SAPCD2: variants seen among roughly 807,000 people sequenced by gnomAD.
SAPCD2 encodes the protein suppressor APC domain-containing protein 2.
Under a neutral mutation model 37.8 loss-of-function variants are expected in SAPCD2, and 34 were observed. The observed-to-expected ratio is 0.90, with a 90% CI of 0.68 to 1.20. The LOEUF is 1.20. Among genes scored for constraint, SAPCD2 ranks in the 50% most tolerant of loss-of-function variants. The pLI is 0.00. For synonymous variants in SAPCD2, 275 were observed against 270.3 expected, an observed-to-expected ratio of 1.02 and a Z score of -0.17; for missense variants, 572 against 584.7, an observed-to-expected ratio of 0.98 and a Z score of 0.22.
At chr9:137,066,472 T>G (rs1181330734) in intron 1 of SAPCD2, 98 bp from the exon 2 acceptor site, 1 of 910,036 alleles carries the variant, frequency 1.1e-6, no homozygotes. Flanking sequence ...ACCCTCGAGG[T>G]CTCGGGCACC....
rs1424929908 is a variant in SAPCD2, at chr9:137,064,512, G to A, written c.*147C>T. The A allele has an allele frequency of 3.3e-6, 3 of 922,416 alleles. No individual in the cohort carries two copies. The highest frequency in any genetic ancestry group is 4.8e-6 in the Non-Finnish European group (3 of 619,630). The allele number at this position is 922,416 out of a possible 1,614,324, so 57.1% of individuals were successfully genotyped here. A position where few individuals can be genotyped will look rare whatever the true frequency, so the allele number is the denominator to read the frequency against. ...GGGGGCAGGCCTGGGGAGCCCATCTGGCAAGGGCGGCAGGAAGGCGCCCAC... is the reference window on the plus strand; with the variant it reads ...GGGGGCAGGCCTGGGGAGCCCATCTAGCAAGGGCGGCAGGAAGGCGCCCAC... On this transcript the variant is annotated 3_prime_UTR_variant, in exon 6 of 6. Transcript: ENST00000409687.
At position 137,065,630 on chromosome 9, in the gene SAPCD2, C is replaced by T. The variant is rs1401738099; in HGVS notation, c.723G>A (p.Val241=). The change falls in exon 3 of 6, where the codon GTG becomes GTA. Residue 241 remains valine, a synonymous_variant. Transcript: ENST00000409687. ...QMKELEQEKE[V]LLQGLEMMAR... ...CCATCATCTCCAAACCCTGCAGCAG[C>T]ACCTCCTTCTCCTGCTCCAGCTCCT... 1 of 1,609,474 alleles carries T rather than the reference C, an allele frequency of 6.2e-7. No homozygotes were observed. The highest frequency in any genetic ancestry group is 1.7e-5 in the Admixed American group (1 of 59,820).
chr9:137,068,043 A>G (rs1252318730), intron 1 of SAPCD2, among the ~76,000 whole-genome samples: 1 of 152,194 alleles, frequency 6.6e-6, no homozygotes, highest in Non-Finnish European at 1.5e-5. Flanking sequence ...CTGTAGCCCC[A>G]GCACCAGGCA....
chr9:137,066,179 G>T, intron 2 of SAPCD2, 83 bp downstream of exon 2: 1 of 1,100,526 alleles, frequency 9.1e-7, no homozygotes. Flanking sequence ...GACTCCCCCA[G>T]GCTCAAGGCC....
In SAPCD2 at chr9:137,063,188, C is replaced by T. The variant is rs1832485325; in HGVS notation, c.*1471G>A. On this transcript the variant is annotated 3_prime_UTR_variant, in exon 6 of 6. Transcript: ENST00000409687. ...TGCCCAGGAGGTCCAGGCCTGACAT[C>T]CTTATGTCCCCTGGAAAGCCCACTC... is the stretch of plus-strand genomic sequence containing the variant. 6.6e-6 allele frequency: 1 copy of T among 152,304 alleles called. No homozygotes were observed. 9.4% of individuals were successfully genotyped at this position (152,304 alleles called of 1,614,324 possible).
rs2131532603 is a variant in SAPCD2 at position 137,070,154 on chromosome 9, G to A, written c.307C>T (p.Arg103Trp). The A allele has an allele frequency of 2.5e-6, 3 of 1,214,198 alleles. No individual in the cohort carries two copies. The South Asian group carries it at 1.1e-4, about 44-fold the overall frequency. 75.2% of individuals were successfully genotyped at this position (1,214,198 alleles called of 1,614,324 possible). The change falls in exon 1 of 6, where the codon CGG becomes TGG. Residue 103 changes from arginine (R) to tryptophan (W), a missense_variant. Physicochemically the swap from Arg to Trp is moderately radical, Grantham distance 101 (BLOSUM62 -3). Coordinates refer to ENST00000409687, the MANE Select transcript of SAPCD2 (RefSeq NM_178448.4). ...CGGGCCGGGGCGCGCGTGGGGTCCC[G>A]GGGGCCGCCGTCGGCGCTCAGCAGG... ...TSLLSADGGP[R>W]DPTRAPARPG...
rs1832474381 is a variant in SAPCD2 at position 137,062,479 on chromosome 9, T to C, written c.*2180A>G. ...AATCCTGAGGCCTGGTGTGGGTGTG[T>C]TCCTCTGGGGCAGATTCTCAACTGG... On this transcript the variant is annotated 3_prime_UTR_variant, in exon 6 of 6. Coordinates refer to ENST00000409687, the MANE Select transcript of SAPCD2 (RefSeq NM_178448.4). 6.6e-6 allele frequency: 1 copy of C among 152,194 alleles called. No individual in the cohort carries two copies. The highest frequency in any genetic ancestry group is 6.5e-5 in the Admixed American group (1 of 15,274). The allele number at this position is 152,194 out of a possible 1,614,324, so 9.4% of individuals were successfully genotyped here.
In SAPCD2 at chr9:137,065,812, C is replaced by T. The variant is rs537868503; in HGVS notation, c.685-144G>A. On this transcript the variant is annotated intron_variant, in intron 2 of 5. Transcript: ENST00000409687. ...GTACACGTTTGCAAACACCCACGGA[C>T]GCACGCTTCTGCTGACACCTGCATG... 84 of 1,012,142 alleles carry T rather than the reference C, an allele frequency of 8.3e-5. 1 individual carries two copies. The South Asian group carries it at 9.7e-4, about 12-fold the overall frequency. The allele number at this position is 1,012,142 out of a possible 1,614,324, so 62.7% of individuals were successfully genotyped here.
At chr9:137,067,855 G>A (rs894489541) in intron 1 of SAPCD2, among the ~76,000 whole-genome samples, 15 of 149,260 alleles carry the variant, frequency 1.0e-4, no homozygotes, top group Non-Finnish European at 1.5e-4. Context: ...AGTCAGGCAC[G>A]TCCTGGTGCT....
intron 1 of SAPCD2, among the ~76,000 whole-genome samples, chr9:137,067,543 G>C (rs10781537): frequency 0.65 from 97,067 of 149,510 alleles, 31,627 homozygotes; most frequent in South Asian, 0.71. Context: ...AAGCTGGGGC[G>C]GGGGGGGATC....
In SAPCD2 at chr9:137,070,113, C is replaced by T. The variant is rs1832602900; in HGVS notation, c.348G>A (p.Pro116=). 8 of 1,190,370 alleles carry T rather than the reference C, an allele frequency of 6.7e-6. No individual in the cohort carries two copies. Among genetic ancestry groups the T allele is most frequent in the African/African-American group, 1.6e-5 (1 of 62,462 alleles). 73.7% of individuals were successfully genotyped at this position (1,190,370 alleles called of 1,614,324 possible). The change falls in exon 1 of 6, where the codon CCG becomes CCA. Residue 116 remains proline, a synonymous_variant. Transcript: ENST00000409687. The part of the protein sequence containing the change: ...TRAPARPGDQ[P]PPPPQRLVFA... ...ACACCAGGCGCTGCGGCGGCGGCGG[C>T]GGCTGATCCCCGGGCCGGGCCGGGG...
rs1188441925 is a variant in SAPCD2 at position 137,070,204 on chromosome 9, C to A, written c.257G>T (p.Arg86Leu). Residue 86 changes from arginine to leucine, a missense_variant, in exon 1 of 6, where the codon CGC becomes CTC. By Grantham distance (102) the Arg-to-Leu change is moderately radical. Coordinates refer to ENST00000409687, the MANE Select transcript of SAPCD2 (RefSeq NM_178448.4). ...GGAGGTGCGCAGGCCGGCCACGAAG[C>A]GCTCGAAGGTCAGGTAGCCGCTGGC... ...APASGYLTFERFVAGLRTSLL... is the reference protein window; with the variant it reads ...APASGYLTFELFVAGLRTSLL... 1 of 1,373,488 alleles carries A rather than the reference C, an allele frequency of 7.3e-7. No individual in the cohort carries two copies. The allele number at this position is 1,373,488 out of a possible 1,614,324, so 85.1% of individuals were successfully genotyped here. A position where few individuals can be genotyped will look rare whatever the true frequency, so the allele number is the denominator to read the frequency against.
chr9:137,070,424 G>T lies in SAPCD2; in HGVS notation c.37C>A (p.Pro13Thr). 3.9e-6 allele frequency: 5 copies of T among 1,289,968 alleles called. No homozygotes were observed. Among genetic ancestry groups the T allele is most frequent in the Non-Finnish European group, 4.9e-6 (5 of 1,019,046 alleles). The allele number at this position is 1,289,968 out of a possible 1,614,324, so 79.9% of individuals were successfully genotyped here. A position where few individuals can be genotyped will look rare whatever the true frequency, so the allele number is the denominator to read the frequency against. The change falls in exon 1 of 6, where the codon CCT (proline) becomes ACT (threonine). Residue 13 changes from proline to threonine, a missense_variant. Pro to Thr is a conservative substitution (Grantham distance 38, BLOSUM62 -1). Coordinates refer to ENST00000409687, the MANE Select transcript of SAPCD2 (RefSeq NM_178448.4). Reference protein sequence around the residue: ...GAAMAERGRVPPPAPAPSTEG... With the variant: ...GAAMAERGRVTPPAPAPSTEG... ...GTGCTGGGCGCGGGTGCGGGGGGAGGCACGCGGCCCCGCTCGGCCATGGCG... is the reference window on the plus strand; with the variant it reads ...GTGCTGGGCGCGGGTGCGGGGGGAGTCACGCGGCCCCGCTCGGCCATGGCG...
chr9:137,067,854 C>T (rs542703586), intron 1 of SAPCD2, among the ~76,000 whole-genome samples: 3 of 150,430 alleles, frequency 2.0e-5, no homozygotes, highest in South Asian at 2.1e-4. Flanking sequence ...AAGTCAGGCA[C>T]GTCCTGGTGC....
chr9:137,068,669 C>T (rs1235324205), intron 1 of SAPCD2, among the ~76,000 whole-genome samples: 1 of 152,226 alleles, frequency 6.6e-6, no homozygotes, highest in East Asian at 1.9e-4. Flanking sequence ...CAGCTACAGC[C>T]CTAGCCATGT....
In SAPCD2 at chr9:137,069,192, C is replaced by T. The variant is rs561259850; in HGVS notation, c.571+698G>A. 2.0e-3 allele frequency among the ~76,000 whole-genome samples: 306 copies of T among 152,362 alleles called. 1 individual carries two copies. Among genetic ancestry groups the T allele is most frequent in the Middle Eastern group, 0.01 (3 of 294 alleles). ...AAGGCAGGCACTGGGTTGGGGGAGA[C>T]AGGGGACCATTCAGCAATCTCCCAT... On this transcript the variant is annotated intron_variant, in intron 1 of 5. Coordinates refer to ENST00000409687, the MANE Select transcript of SAPCD2 (RefSeq NM_178448.4).
chr9:137,070,543 C>A lies in SAPCD2; in HGVS notation c.-83G>T. The A allele has an allele frequency of 2.2e-6, 2 of 908,264 alleles. No individual in the cohort carries two copies. The highest frequency in any genetic ancestry group is 1.4e-6 in the Non-Finnish European group (1 of 703,220). The allele number at this position is 908,264 out of a possible 1,614,324, so 56.3% of individuals were successfully genotyped here. Reference sequence around the variant, plus strand: ...AGGGGCCGGCCCGGCGAGCTCAGCCCACGGCGACAATAGCGACTACTTTTG... The same window carrying A: ...AGGGGCCGGCCCGGCGAGCTCAGCCAACGGCGACAATAGCGACTACTTTTG... On this transcript the variant is annotated 5_prime_UTR_variant, in exon 1 of 6. Transcript: ENST00000409687.
intron 1 of SAPCD2, among the ~76,000 whole-genome samples, chr9:137,069,182 T>C (rs544044936): frequency 3.3e-5 from 5 of 152,294 alleles, no homozygotes; most frequent in African/African-American, 7.2e-5. Flanking sequence ...AGGCACTGGG[T>C]TGGGGGAGAC....
chr9:137,070,227 G>A lies in SAPCD2; in HGVS notation c.234C>T (p.Ala78=), dbSNP rs1458043818. 2.1e-6 allele frequency: 3 copies of A among 1,409,026 alleles called. No homozygotes were observed. Among genetic ancestry groups the A allele is most frequent in the Admixed American group, 2.5e-5 (1 of 39,296 alleles). The allele number at this position is 1,409,026 out of a possible 1,614,324, so 87.3% of individuals were successfully genotyped here. ...AGCGCTCGAAGGTCAGGTAGCCGCT[G>A]GCCGGGGCCACCTGGCGCAAGCCCT... ...VLEGLRQVAP[A]SGYLTFERFV... is the part of the protein sequence containing the mutation. Residue 78 remains alanine, a synonymous_variant, in exon 1 of 6, where the codon GCC becomes GCT. Transcript: ENST00000409687.
Sources: allele counts gnomAD v4.1 joint callset (sites outside exome capture counted in the v4.1 genomes callset), GRCh38; gene constraint gnomAD v4.1.1; transcripts MANE v1.5; gene names NCBI Gene and HGNC (gene_info 2026-07-23, HGNC 2026-07-21).